SEMA3G: variants seen among roughly 807,000 people sequenced by gnomAD.
SEMA3G encodes the protein semaphorin 3G, also known as semaphorin-3G.
Under a neutral mutation model 86.2 loss-of-function variants are expected in SEMA3G, and 70 were observed. The observed-to-expected ratio is 0.81, with a 90% CI of 0.67 to 0.99. The LOEUF (loss-of-function observed/expected upper bound fraction) is 0.99, where lower values mean the gene tolerates loss of function less well. Ranked by LOEUF, SEMA3G falls within the 50% of genes least tolerant of loss-of-function variation. The probability of loss-of-function intolerance (pLI) is 0.00; values close to 1 mark genes in which losing one functional copy is unlikely to be tolerated. For missense variants in SEMA3G, 1,002 were observed against 1,072.4 expected (o/e 0.93, Z 0.92); for synonymous variants, 416 against 441.4 (o/e 0.94, Z 0.72).
chr3:52,441,016 G>T lies in SEMA3G; in HGVS notation c.846C>A (p.Asn282Lys). ...NDAGGQRVLVNKWSTFLKARL... is the reference protein window; with the variant it reads ...NDAGGQRVLVKKWSTFLKARL... ...TGGCCTTGAGGAAAGTGCTCCATTTGTTCACCAGCACCCGCTGGCCCCCAG... is the reference window on the plus strand; with the variant it reads ...TGGCCTTGAGGAAAGTGCTCCATTTTTTCACCAGCACCCGCTGGCCCCCAG... Residue 282 changes from asparagine to lysine, a missense_variant, in exon 8 of 16, where the codon AAC (asparagine) becomes AAA (lysine). Physicochemically the swap from Asn to Lys is moderately conservative, Grantham distance 94. Transcript: ENST00000231721. The T allele has an allele frequency of 1.9e-6, 3 of 1,603,212 alleles. No homozygotes were observed. The highest frequency in any genetic ancestry group is 2.5e-6 in the Non-Finnish European group (3 of 1,179,454).
chr3:52,444,076 G>A (rs568761166), intron 1 of SEMA3G, among the ~76,000 whole-genome samples: 2 of 152,284 alleles, frequency 1.3e-5, no homozygotes, highest in Middle Eastern at 6.8e-3. Context: ...AGCCCACTCT[G>A]GGAAGTGGGC....
rs1294443291 is a variant in SEMA3G, at chr3:52,435,933, C to A, written c.2019G>T (p.Val673=). 6.2e-7 allele frequency: 1 copy of A among 1,613,886 alleles called. No homozygotes were observed. The highest frequency in any genetic ancestry group is 8.5e-7 in the Non-Finnish European group (1 of 1,180,048). ...SQTVVRLALV[V]IVASQLDNLF... is the part of the protein sequence containing the mutation. ...GGTTGTCCAGCTGTGAGGCCACAATCACCACCAGAGCCAGGCGGACCACAG... is the reference window on the plus strand; with the variant it reads ...GGTTGTCCAGCTGTGAGGCCACAATAACCACCAGAGCCAGGCGGACCACAG... Residue 673 remains valine, a synonymous_variant, in exon 16 of 16, where the codon GTG becomes GTT. Transcript: ENST00000231721.
Position 52,439,913 on chromosome 3 carries a change from G to A in SEMA3G, c.1329C>T (p.Arg443=), listed in dbSNP as rs35285739. ...AQQLHQIVVD[R]VEAEDGTYDV... ...CGTAGGTCCCATCCTCTGCCTCCACGCGGTCCACCACGATCTGGTGTAGCT... is the reference window on the plus strand; with the variant it reads ...CGTAGGTCCCATCCTCTGCCTCCACACGGTCCACCACGATCTGGTGTAGCT... Residue 443 remains arginine, a synonymous_variant, in exon 11 of 16, where the codon CGC becomes CGT. Coordinates refer to ENST00000231721, the MANE Select transcript of SEMA3G (RefSeq NM_020163.3). The A allele has an allele frequency of 5.0e-4, 801 of 1,613,778 alleles. 7 individuals carry two copies. In the African/African-American group the frequency reaches 9.4e-3, roughly 19 times the overall value.
In SEMA3G at chr3:52,442,312, G is replaced by T; in HGVS notation, c.340-8C>A. On this transcript the variant is annotated splice_polypyrimidine_tract_variant and splice_region_variant and intron_variant, in intron 3 of 15. Transcript: ENST00000231721. The surrounding 1 kb of genome is among the most constrained non-coding windows in gnomAD (Gnocchi z 6.1). ...GAAGTTGGCGCACTCTGTCTGCGGG[G>T]AGAAGGAGGGGGTGGTTGAGGGGTG... 6.2e-7 allele frequency: 1 copy of T among 1,612,678 alleles called. No individual in the cohort carries two copies. Among genetic ancestry groups the T allele is most frequent in the Non-Finnish European group, 8.5e-7 (1 of 1,179,336 alleles).
intron 13 of SEMA3G, 63 bp from the exon 14 acceptor site, chr3:52,438,262 C>G (rs901565363): frequency 3.9e-5 from 58 of 1,483,962 alleles, no homozygotes; most frequent in Non-Finnish European, 3.0e-5. Context: ...CAGCCAGGCT[C>G]TCAGCCCCTC....
At position 52,441,924 on chromosome 3, in the gene SEMA3G, AGAGG is replaced by A; in HGVS notation, c.460-19_460-16del. On this transcript the variant is annotated splice_polypyrimidine_tract_variant and intron_variant, in intron 4 of 15. Transcript: ENST00000231721. ...TGGAGCACATGCTAGTGGGAGGGAG[AGAGG>A]GAGGGAGGGGCGTCACCTGGGAGAG... is the stretch of plus-strand genomic sequence containing the variant. The A allele has an allele frequency of 3.2e-6, 5 of 1,540,296 alleles. No individual in the cohort carries two copies. The highest frequency in any genetic ancestry group is 1.4e-5 in the African/African-American group (1 of 73,536).
chr3:52,441,452 GGGGAGGAT>G (rs748798272), intron 6 of SEMA3G, 43 bp from the exon 7 acceptor site: 4 of 1,607,390 alleles, frequency 2.5e-6, no homozygotes, highest in Non-Finnish European at 2.6e-6. Context: ...GGGCCCCACA[GGGGAGGAT>G]GGGAGTAGAA....
rs760757528 is a variant in SEMA3G, at chr3:52,439,746, G to A, written c.1401C>T (p.Ile467=). The A allele has an allele frequency of 3.7e-6, 6 of 1,613,868 alleles. No individual in the cohort carries two copies. Among genetic ancestry groups the A allele is most frequent in the Middle Eastern group, 1.6e-4 (1 of 6,082 alleles). The change falls in exon 12 of 16, where the codon ATC becomes ATT. Residue 467 remains isoleucine, a synonymous_variant. Transcript: ENST00000231721. ...GTDSGSVLKV[I]ALQAGGSAEP... is the part of the protein sequence containing the mutation. ...CAGCTGAGCCCCCTGCCTGGAGAGC[G>A]ATGACTTTGAGCACAGACCCTGAGT...
rs971800053 is a variant in SEMA3G, at chr3:52,441,478, G to A, written c.668-69C>T. The stretch of plus-strand genomic sequence containing the variant: ...GGGAGGATGGGAGTAGAACCCAGTG[G>A]GGAGAGGAATGGGGCAGGGGACTCC... On this transcript the variant is annotated intron_variant, in intron 6 of 15. Coordinates refer to ENST00000231721, the MANE Select transcript of SEMA3G (RefSeq NM_020163.3). 8.8e-6 allele frequency: 14 copies of A among 1,594,192 alleles called. No individual in the cohort carries two copies. The African/African-American group carries it at 1.9e-4, about 21-fold the overall frequency.
rs1334232488 is a variant in SEMA3G, at chr3:52,441,571, C to T, written c.667+3G>A. The T allele has an allele frequency of 6.2e-7, 1 of 1,612,094 alleles. No homozygotes were observed. The highest frequency in any genetic ancestry group is 1.7e-5 in the Admixed American group (1 of 60,014). On this transcript the variant is annotated splice_donor_region_variant and intron_variant, in intron 6 of 15. Transcript: ENST00000231721. ...CCCTGCCAGTTCCAGGGGCAGGCCTCACCGTGCAAGAGACTCTGGTCAGAG... is the reference window on the plus strand; with the variant it reads ...CCCTGCCAGTTCCAGGGGCAGGCCTTACCGTGCAAGAGACTCTGGTCAGAG...
intron 9 of SEMA3G, 83 bp downstream of exon 9, chr3:52,440,671 A>G (rs1292856295): frequency 1.4e-6 from 2 of 1,479,540 alleles, no homozygotes; most frequent in Non-Finnish European, 1.9e-6. Context: ...GCAAAGAGAG[A>G]GTCAGAGAGT....
rs748336123 is a variant in SEMA3G, at chr3:52,440,056, T to C, written c.1186A>G (p.Ser396Gly). The C allele has an allele frequency of 1.9e-6, 3 of 1,598,338 alleles. No individual in the cohort carries two copies. The highest frequency in any genetic ancestry group is 2.2e-5 in the South Asian group (2 of 90,568). The change falls in exon 11 of 16, where the codon AGC becomes GGC. Residue 396 changes from serine to glycine, a missense_variant. Physicochemically the swap from Ser to Gly is moderately conservative, Grantham distance 56. Transcript: ENST00000231721. The stretch of plus-strand genomic sequence containing the variant: ...ACCTCATCTGGGTAGTCCTTGGTGC[T>C]GCCAAAAGGCCGTCCTGGCTGTGCG... The part of the protein sequence containing the change: ...MTAQPGRPFG[S>G]TKDYPDEVLQ...
chr3:52,440,245 G>A, intron 10 of SEMA3G, 132 bp downstream of exon 10: 3 of 1,080,584 alleles, frequency 2.8e-6, no homozygotes, highest in Admixed American at 2.8e-5. Flanking sequence ...CCCCACCCAG[G>A]CCCTCTGGAG....
rs1298086801 is a variant in SEMA3G, at chr3:52,440,530, G to A, written c.999-9C>T. 1.2e-6 allele frequency: 2 copies of A among 1,605,316 alleles called. No individual in the cohort carries two copies. The highest frequency in any genetic ancestry group is 1.3e-5 in the African/African-American group (1 of 74,796). On this transcript the variant is annotated splice_polypyrimidine_tract_variant and intron_variant, in intron 9 of 15. Coordinates refer to ENST00000231721, the MANE Select transcript of SEMA3G (RefSeq NM_020163.3). ...AGCCCTGGAACACGGCACTGCCGGG[G>A]CACATGGGACAGTCAGGCCAGAGTG...
intron 14 of SEMA3G, 133 bp downstream of exon 14, chr3:52,437,838 G>C: frequency 9.1e-7 from 1 of 1,103,810 alleles, no homozygotes; most frequent in Non-Finnish European, 1.3e-6. Flanking sequence ...ACTAGCAGGA[G>C]CTACACAGAG....
chr3:52,442,890 G>A lies in SEMA3G; in HGVS notation c.133C>T (p.Arg45Cys), dbSNP rs756251735. 1.2e-5 allele frequency: 19 copies of A among 1,601,234 alleles called. No individual in the cohort carries two copies. Among genetic ancestry groups the A allele is most frequent in the South Asian group, 9.0e-5 (8 of 88,984 alleles). ...TGGGGGCCCAGAAAGATGGCAGAGC[G>A]GTTGGCAGACAGGAGGTCTAGGAGG... is the stretch of plus-strand genomic sequence containing the variant. ...LSYRDLLSAN[R>C]SAIFLGPQGS... The change falls in exon 2 of 16, where the codon CGC (arginine) becomes TGC (cysteine). Residue 45 changes from arginine (R) to cysteine (C), a missense_variant. Arg to Cys is a radical substitution (Grantham distance 180). Coordinates refer to ENST00000231721, the MANE Select transcript of SEMA3G (RefSeq NM_020163.3). The surrounding 1 kb of genome is among the most constrained non-coding windows in gnomAD (Gnocchi z 6.1).
At chr3:52,439,070 G>A (rs192943274) in intron 12 of SEMA3G, 109 bp from the exon 13 acceptor site, 91 of 1,182,330 alleles carry the variant, frequency 7.7e-5, no homozygotes, top group Admixed American at 7.0e-4. Context: ...TAGCTCCCAG[G>A]CTGGGTCTTG....
At position 52,442,648 on chromosome 3, in the gene SEMA3G, G is replaced by T. The variant is rs777908996; in HGVS notation, c.277-27C>A. 5 of 1,614,062 alleles carry T rather than the reference G, an allele frequency of 3.1e-6. No homozygotes were observed. Among genetic ancestry groups the T allele is most frequent in the Non-Finnish European group, 3.4e-6 (4 of 1,179,980 alleles). ...TGGAACACAGCCCCGCTGACCTCAG[G>T]TCCTCCCCTGATCTCACAGGCTCAG... On this transcript the variant is annotated intron_variant, in intron 2 of 15. Transcript: ENST00000231721. The surrounding 1 kb of genome is among the most constrained non-coding windows in gnomAD (Gnocchi z 6.1).
intron 15 of SEMA3G, 28 bp downstream of exon 15, chr3:52,437,499 G>A (rs555363432): frequency 6.3e-7 from 1 of 1,599,514 alleles, no homozygotes; most frequent in East Asian, 2.2e-5. Flanking sequence ...GACACACAGA[G>A]GCTAGAGGCA....
Sources: gnomAD v4.1 joint callset for allele counts (sites outside exome capture counted in the v4.1 genomes callset) on GRCh38, gnomAD v4.1.1 for gene constraint, Gnocchi (gnomAD v3.1) non-coding constraint, MANE v1.5 for transcripts, NCBI Gene and HGNC (gene_info 2026-07-23, HGNC 2026-07-21) for gene names.